Variants in SLC20A2 observed in about 807,000 individuals in gnomAD.
SLC20A2 encodes the protein solute carrier family 20 member 2.
Under a neutral mutation model 61.0 loss-of-function variants are expected in SLC20A2, and 30 were observed. That is an observed-to-expected ratio of 0.49 (90% CI 0.37 to 0.67). SLC20A2 has a LOEUF of 0.67. Ranked by LOEUF, SLC20A2 falls within the 30% of genes least tolerant of loss-of-function variation. The probability of loss-of-function intolerance (pLI) is 0.00; values close to 1 mark genes in which losing one functional copy is unlikely to be tolerated. For synonymous variants in SLC20A2, 351 were observed against 353.3 expected, an observed-to-expected ratio of 0.99 and a Z score of 0.07; for missense variants, 626 against 866.4, an observed-to-expected ratio of 0.72 and a Z score of 3.48.
rs138120677 is a variant in SLC20A2, at chr8:42,454,282, G to A, written c.613+5614C>T. Reference sequence around the variant, plus strand: ...CTCCCGAAGTGCTGAGATTACAGGCGTGAGCCACCGCGCCCGGCCGAATTT... The same window carrying A: ...CTCCCGAAGTGCTGAGATTACAGGCATGAGCCACCGCGCCCGGCCGAATTT... On this transcript the variant is annotated intron_variant, in intron 5 of 10. Coordinates refer to ENST00000520262, the MANE Select transcript of SLC20A2 (RefSeq NM_001257180.2). 8.5e-3 allele frequency among the ~76,000 whole-genome samples: 1,298 copies of A among 152,272 alleles called. 18 individuals are homozygous for A. Among genetic ancestry groups the A allele is most frequent in the African/African-American group, 0.027 (1,123 of 41,560 alleles).
chr8:42,468,797 G>A (rs902784008), intron 2 of SLC20A2, among the ~76,000 whole-genome samples: 3 of 152,182 alleles, frequency 2.0e-5, no homozygotes, highest in Non-Finnish European at 2.9e-5. Flanking sequence ...AGGGGGCTGT[G>A]TGCTTCTTAA....
At chr8:42,429,223 A>T (rs547734354) in intron 9 of SLC20A2, among the ~76,000 whole-genome samples, 1 of 152,208 alleles carries the variant, frequency 6.6e-6, no homozygotes, top group Non-Finnish European at 1.5e-5. Flanking sequence ...CGGATTACGA[A>T]TTTTTCTTCA....
chr8:42,454,611 C>T (rs1369496802), intron 5 of SLC20A2, among the ~76,000 whole-genome samples: 2 of 147,732 alleles, frequency 1.4e-5, no homozygotes, highest in Non-Finnish European at 2.9e-5. Context: ...ACTTCAAGAT[C>T]CTTACACAGA....
intron 5 of SLC20A2, among the ~76,000 whole-genome samples, chr8:42,445,109 T>C (rs906546528): frequency 1.1e-4 from 16 of 151,188 alleles, no homozygotes; most frequent in African/African-American, 3.6e-4. Flanking sequence ...CTGGCCAATA[T>C]AGTAAAACCC....
intron 5 of SLC20A2, among the ~76,000 whole-genome samples, chr8:42,454,487 C>T (rs1805982108): frequency 6.6e-6 from 1 of 152,088 alleles, no homozygotes; most frequent in Non-Finnish European, 1.5e-5. Flanking sequence ...AGGAATAAGA[C>T]TTTGGGAGGG....
intron 5 of SLC20A2, among the ~76,000 whole-genome samples, chr8:42,454,008 T>G (rs1482745542): frequency 6.6e-6 from 1 of 152,088 alleles, no homozygotes; most frequent in Non-Finnish European, 1.5e-5. Context: ...GTATCATTTT[T>G]TTTGTTTGTT....
intron 9 of SLC20A2, among the ~76,000 whole-genome samples, chr8:42,429,471 A>T (rs1289337354): frequency 6.6e-6 from 1 of 152,200 alleles, no homozygotes; most frequent in East Asian, 1.9e-4. Context: ...CACATGTTTT[A>T]AAAAGACAGA....
chr8:42,535,902 A>C (rs539000219), intron 1 of SLC20A2, among the ~76,000 whole-genome samples: 15 of 152,340 alleles, frequency 9.8e-5, no homozygotes, highest in Admixed American at 9.2e-4. Flanking sequence ...TAAAGAATAG[A>C]TCACGTCCAG....
chr8:42,532,105 G>A (rs1057376858), intron 1 of SLC20A2, among the ~76,000 whole-genome samples: 2 of 152,054 alleles, frequency 1.3e-5, no homozygotes, highest in Admixed American at 1.3e-4. Context: ...GGTATTACAG[G>A]TGTGAGCCAC....
intron 1 of SLC20A2, among the ~76,000 whole-genome samples, chr8:42,487,714 C>A (rs573092531): frequency 1.1e-4 from 17 of 152,302 alleles, no homozygotes; most frequent in South Asian, 2.1e-4. Flanking sequence ...GTTTCTTTTA[C>A]AAAATGTTTT....
At chr8:42,427,384 T>C (rs528535887) in intron 10 of SLC20A2, among the ~76,000 whole-genome samples, 2 of 152,188 alleles carry the variant, frequency 1.3e-5, no homozygotes, top group East Asian at 3.9e-4. Context: ...ATCCTGGATC[T>C]ATCACATGTG....
At chr8:42,476,830 G>C (rs932974869) in intron 1 of SLC20A2, among the ~76,000 whole-genome samples, 1 of 152,152 alleles carries the variant, frequency 6.6e-6, no homozygotes. Context: ...TTTCTCCTGC[G>C]TGGAGAAGGG....
At position 42,438,050 on chromosome 8, in the gene SLC20A2, TAAAAAAAAAAACCAAAAAAA is replaced by T. The variant is rs1468298515; in HGVS notation, c.935-493_935-474del. 1.0e-2 allele frequency among the ~76,000 whole-genome samples: 159 copies of T among 15,974 alleles called. 1 individual carries two copies. Among genetic ancestry groups the T allele is most frequent in the African/African-American group, 0.024 (154 of 6,438 alleles). The allele number at this position is 15,974 out of a possible 152,430, so 10.5% of individuals were successfully genotyped here. ...AAAGGACATGTAATATGGTTACCAC[TAAAAAAAAAAACCAAAAAAA>T]AAAAAAAAAAAAAAAAAAACATGGA... On this transcript the variant is annotated intron_variant, in intron 7 of 10. Transcript: ENST00000520262.
intron 9 of SLC20A2, 34 bp from the exon 10 acceptor site, chr8:42,428,876 C>T: frequency 7.2e-6 from 11 of 1,524,864 alleles, no homozygotes; most frequent in Non-Finnish European, 8.8e-6. Flanking sequence ...TCACAGGTGC[C>T]CTCTGTATCA....
At chr8:42,469,637 CTT>C (rs1319451113) in intron 2 of SLC20A2, among the ~76,000 whole-genome samples, 1 of 152,142 alleles carries the variant, frequency 6.6e-6, no homozygotes, top group Non-Finnish European at 1.5e-5. Context: ...TCAGTTAAGA[CTT>C]AACTTTGTGG....
At chr8:42,522,284 G>A (rs1811641985) in intron 1 of SLC20A2, among the ~76,000 whole-genome samples, 1 of 121,924 alleles carries the variant, frequency 8.2e-6, no homozygotes, top group African/African-American at 2.5e-5. Flanking sequence ...TGAGGACACC[G>A]AAGGATGGAG....
upstream of SLC20A2, among the ~76,000 whole-genome samples, chr8:42,504,132 G>C (rs1205488970): frequency 1.3e-5 from 2 of 152,074 alleles, no homozygotes; most frequent in Non-Finnish European, 2.9e-5. Context: ...GTAGAGAGGA[G>C]GTCTCACCAT....
rs754116669 is a variant in SLC20A2 at position 42,417,875 on chromosome 8, G to A, written c.1887C>T (p.Thr629=). ...CGCTGAACAGCCCAGCCACAGGGACGGTCACGAACCAGGCCACGAAGATGT... is the reference window on the plus strand; with the variant it reads ...CGCTGAACAGCCCAGCCACAGGGACAGTCACGAACCAGGCCACGAAGATGT... The part of the protein sequence containing the change: ...FRNIFVAWFV[T]VPVAGLFSAA... The change falls in exon 11 of 11, where the codon ACC becomes ACT. Residue 629 remains threonine, a synonymous_variant. Transcript: ENST00000520262. 9 of 1,614,032 alleles carry A rather than the reference G, an allele frequency of 5.6e-6. No individual in the cohort carries two copies. Among genetic ancestry groups the A allele is most frequent in the Middle Eastern group, 1.7e-4 (1 of 6,060 alleles).
At position 42,427,204 on chromosome 8, in the gene SLC20A2, G is replaced by A. The variant is rs530666878; in HGVS notation, c.1794+1554C>T. Among the ~76,000 whole-genome samples, 16 of 152,216 alleles carry A rather than the reference G, an allele frequency of 1.1e-4. No homozygotes were observed. The South Asian group carries it at 1.9e-3, about 18-fold the overall frequency. Reference sequence around the variant, plus strand: ...TCCCTGGCTGTGTAATCTCGGGCACGTTACTTAACTTTCCTCTGCCTCAGT... The same window carrying A: ...TCCCTGGCTGTGTAATCTCGGGCACATTACTTAACTTTCCTCTGCCTCAGT... On this transcript the variant is annotated intron_variant, in intron 10 of 10. Coordinates refer to ENST00000520262, the MANE Select transcript of SLC20A2 (RefSeq NM_001257180.2).
Sources: gnomAD v4.1 joint callset for allele counts (sites outside exome capture counted in the v4.1 genomes callset) on GRCh38, gnomAD v4.1.1 for gene constraint, MANE v1.5 for transcripts, NCBI Gene and HGNC (gene_info 2026-07-23, HGNC 2026-07-21) for gene names.